Variants in GGACT observed in about 807,000 individuals in gnomAD.
GGACT encodes the protein gamma-glutamylamine cyclotransferase, also known as gamma-glutamylaminecyclotransferase.
For missense variants in GGACT, 241 were observed against 233.2 expected, an observed-to-expected ratio of 1.03 and a Z score of -0.22; for synonymous variants, 118 against 115.3, an observed-to-expected ratio of 1.02 and a Z score of -0.15.
At chr13:100,541,900 A>G (rs909643196) in intron 2 of GGACT, 2 of 152,252 alleles carry the variant, frequency 1.3e-5, no homozygotes, top group Non-Finnish European at 2.9e-5. Flanking sequence ...GTTCAATAGC[A>G]TCCTTCATAA....
chr13:100,574,228 C>T (rs1021908344), intron 2 of GGACT, among the ~76,000 whole-genome samples: 3 of 152,176 alleles, frequency 2.0e-5, no homozygotes, highest in African/African-American at 7.2e-5. Context: ...ATGTCCTTTG[C>T]AGCAACATGG....
rs984330447 is a variant in GGACT at position 100,545,835 on chromosome 13, A to T, written c.-10-13234T>A. Among the ~76,000 whole-genome samples the T allele has an allele frequency of 1.3e-5, 2 of 152,192 alleles. No individual in the cohort carries two copies. Among genetic ancestry groups the T allele is most frequent in the African/African-American group, 2.4e-5 (1 of 41,450 alleles). On this transcript the variant is annotated intron_variant, in intron 2 of 2. Transcript: ENST00000683975. This position sits in a 1 kb window ranked among gnomAD's most constrained non-coding sequence, Gnocchi z 4.4. ...AGAACCTGTTCCCCCTACAGAAGGAAGTAAGGGTTCGGAGAATTCAGACAC... is the reference window on the plus strand; with the variant it reads ...AGAACCTGTTCCCCCTACAGAAGGATGTAAGGGTTCGGAGAATTCAGACAC...
chr13:100,567,286 G>C (rs1185586285), intron 2 of GGACT, among the ~76,000 whole-genome samples: 1 of 152,176 alleles, frequency 6.6e-6, no homozygotes, highest in Non-Finnish European at 1.5e-5. Flanking sequence ...CCTGCCACTT[G>C]TTCATTTATT....
At chr13:100,564,073 T>C (rs1263228600) in intron 2 of GGACT, among the ~76,000 whole-genome samples, 1 of 152,172 alleles carries the variant, frequency 6.6e-6, no homozygotes. Context: ...GTTCCCAAAA[T>C]GCATGTGAAG....
chr13:100,562,658 T>C (rs916482724), intron 2 of GGACT, among the ~76,000 whole-genome samples: 3 of 151,978 alleles, frequency 2.0e-5, no homozygotes, highest in Non-Finnish European at 4.4e-5. Flanking sequence ...TAGCCAGGCA[T>C]GGTGGTGCAT....
intron 2 of GGACT, among the ~76,000 whole-genome samples, chr13:100,583,289 C>T (rs889123650): frequency 6.6e-6 from 1 of 151,994 alleles, no homozygotes; most frequent in Non-Finnish European, 1.5e-5. Flanking sequence ...AACAAAGACA[C>T]TATAAAGGGG....
intron 2 of GGACT, among the ~76,000 whole-genome samples, chr13:100,558,386 C>A (rs2088728394): frequency 6.6e-6 from 1 of 152,140 alleles, no homozygotes; most frequent in African/African-American, 2.4e-5. Context: ...CTATGAATCT[C>A]ATGTAAGCAC....
intron 2 of GGACT, among the ~76,000 whole-genome samples, chr13:100,561,290 G>A (rs992389353): frequency 6.6e-6 from 1 of 152,198 alleles, no homozygotes; most frequent in African/African-American, 2.4e-5. Context: ...CCAGAGAGCT[G>A]CTTACATCTG....
In GGACT at chr13:100,537,014, C is replaced by G. The variant is rs2088501589; in HGVS notation, c.-10-4413G>C. The G allele has an allele frequency of 1.3e-5, 2 of 152,346 alleles. 1 individual carries two copies. The highest frequency in any genetic ancestry group is 4.1e-4 in the South Asian group (2 of 4,828). 9.4% of individuals were successfully genotyped at this position (152,346 alleles called of 1,614,324 possible). A position where few individuals can be genotyped will look rare whatever the true frequency, so the allele number is the denominator to read the frequency against. ...AGACACTGCTCAGCTGACTACTTGTCAGCCTCTCACTGTGCAGGAGCTTAA... is the reference window on the plus strand; with the variant it reads ...AGACACTGCTCAGCTGACTACTTGTGAGCCTCTCACTGTGCAGGAGCTTAA... On this transcript the variant is annotated intron_variant, in intron 2 of 2. Coordinates refer to ENST00000683975, the MANE Select transcript of GGACT (RefSeq NM_001195087.2).
chr13:100,537,561 T>G (rs2088508356), intron 2 of GGACT: 1 of 152,256 alleles, frequency 6.6e-6, no homozygotes, highest in Non-Finnish European at 1.5e-5. Context: ...GGATGCCCTG[T>G]GCTAAGTGCT....
intron 2 of GGACT, among the ~76,000 whole-genome samples, chr13:100,575,153 T>A (rs1219861737): frequency 6.6e-6 from 1 of 152,230 alleles, no homozygotes; most frequent in East Asian, 1.9e-4. Context: ...TCCAAGTAGA[T>A]GACAGGAATC....
intron 2 of GGACT, among the ~76,000 whole-genome samples, chr13:100,546,862 C>T (rs994403757): frequency 6.6e-6 from 1 of 152,206 alleles, no homozygotes; most frequent in Non-Finnish European, 1.5e-5. Flanking sequence ...ATCCTCATGC[C>T]TCTAAACCAC....
At chr13:100,583,109 A>G (rs1875465968) in intron 2 of GGACT, among the ~76,000 whole-genome samples, 1 of 152,226 alleles carries the variant, frequency 6.6e-6, no homozygotes. Context: ...CATACGGCCA[A>G]TCTTAATGCC....
intron 2 of GGACT, among the ~76,000 whole-genome samples, chr13:100,533,999 G>A (rs533127526): frequency 4.5e-4 from 69 of 152,206 alleles, no homozygotes; most frequent in Non-Finnish European, 8.5e-4. Flanking sequence ...GCAGCGGCTC[G>A]TGACCCGCCA....
intron 2 of GGACT, among the ~76,000 whole-genome samples, chr13:100,570,598 C>T (rs1035730731): frequency 1.3e-5 from 2 of 152,078 alleles, no homozygotes. Context: ...TATATCAGAC[C>T]TCAAATGAAT....
In GGACT at chr13:100,532,372, T is replaced by C. The variant is rs1021385519; in HGVS notation, c.220A>G (p.Met74Val). 6.4e-7 allele frequency: 1 copy of C among 1,550,408 alleles called. No individual in the cohort carries two copies. The highest frequency in any genetic ancestry group is 8.7e-7 in the Non-Finnish European group (1 of 1,146,624). ...TCGAAGTCATCCAGAAAGCGCAGCA[T>C]CCGCTCGTCTACCGCGTAGACCTCG... ...EGEVYAVDER[M>V]LRFLDDFESC... The change falls in exon 3 of 3, where the codon ATG becomes GTG. Residue 74 changes from methionine (M) to valine (V), a missense_variant. By Grantham distance (21) the Met-to-Val change is conservative. Coordinates refer to ENST00000683975, the MANE Select transcript of GGACT (RefSeq NM_001195087.2).
At chr13:100,565,020 C>G (rs902615577) in intron 2 of GGACT, among the ~76,000 whole-genome samples, 14 of 152,188 alleles carry the variant, frequency 9.2e-5, no homozygotes, top group African/African-American at 3.4e-4. Flanking sequence ...AAGGAAAAGC[C>G]TGTTGTGATA....
At position 100,531,800 on chromosome 13, in the gene GGACT, ATATTTAT is replaced by A. The variant is rs10581954; in HGVS notation, c.*323_*329del. On this transcript the variant is annotated 3_prime_UTR_variant, in exon 3 of 3. Transcript: ENST00000683975. ...CACCAAGTCTTTACACTGATCCTAA[ATATTTAT>A]TATTATCTTGAGCTCAAAGCAGAGC... 117,857 of 245,706 alleles carry A rather than the reference ATATTTAT, an allele frequency of 0.48. 29,238 individuals carry two copies. Among genetic ancestry groups the A allele is most frequent in the East Asian group, 0.8 (11,053 of 13,738 alleles). The allele number at this position is 245,706 out of a possible 1,614,324, so 15.2% of individuals were successfully genotyped here.
intron 2 of GGACT, among the ~76,000 whole-genome samples, chr13:100,570,183 G>A (rs1875037994): frequency 6.6e-6 from 1 of 152,032 alleles, no homozygotes; most frequent in African/African-American, 2.4e-5. Context: ...ACATTTTTGG[G>A]TATCCTTATA....
Sources: allele counts gnomAD v4.1 joint callset (sites outside exome capture counted in the v4.1 genomes callset), GRCh38; gene constraint gnomAD v4.1.1; non-coding constraint Gnocchi (gnomAD v3.1); transcripts MANE v1.5; gene names NCBI Gene and HGNC (gene_info 2026-07-23, HGNC 2026-07-21).